NRCAM: variants seen among roughly 807,000 people sequenced by gnomAD.
NRCAM encodes the protein neuronal cell adhesion molecule.
Under a neutral mutation model 156.5 loss-of-function variants are expected in NRCAM, and 83 were observed. The observed-to-expected ratio is 0.53, with a 90% CI of 0.44 to 0.64. The LOEUF is 0.64. NRCAM is among the 30% of genes least tolerant of loss of function. NRCAM has a pLI of 0.00. For synonymous variants in NRCAM, 538 were observed against 563.9 expected, an observed-to-expected ratio of 0.95 and a Z score of 0.65; for missense variants, 1,417 against 1,597.3, an observed-to-expected ratio of 0.89 and a Z score of 1.92.
At chr7:108,441,636 A>T (rs1298735864) in intron 1 of NRCAM, among the ~76,000 whole-genome samples, 3 of 152,246 alleles carry the variant, frequency 2.0e-5, no homozygotes, top group Admixed American at 6.5e-5. Flanking sequence ...TCCTTGGGTT[A>T]GAATCCTAGC....
intron 3 of NRCAM, among the ~76,000 whole-genome samples, chr7:108,263,906 CCTG>C (rs1259305930): frequency 1.3e-5 from 2 of 152,148 alleles, no homozygotes; most frequent in Non-Finnish European, 2.9e-5. Context: ...TATTGCATTG[CCTG>C]CTGTTTTTAA....
intron 13 of NRCAM, 77 bp from the exon 14 acceptor site, chr7:108,198,176 G>A: frequency 3.3e-6 from 4 of 1,218,972 alleles, no homozygotes; most frequent in Non-Finnish European, 4.5e-6. Context: ...AAGTCAGTAG[G>A]ACATAAATAA....
chr7:108,448,472 T>C lies in NRCAM; in HGVS notation c.-332+7771A>G, dbSNP rs570477820. Among the ~76,000 whole-genome samples the C allele has an allele frequency of 3.9e-5, 6 of 152,250 alleles. No individual in the cohort carries two copies. The East Asian group carries it at 5.8e-4, about 15-fold the overall frequency. Reference sequence around the variant, plus strand: ...GCAGTCAAAGATGCGAAAGCAAAATTTGGTGATGTTTCAACTTTCAATTTT... The same window carrying C: ...GCAGTCAAAGATGCGAAAGCAAAATCTGGTGATGTTTCAACTTTCAATTTT... On this transcript the variant is annotated intron_variant, in intron 1 of 32. Coordinates refer to ENST00000379028, the MANE Select transcript of NRCAM (RefSeq NM_001037132.4).
intron 2 of NRCAM, among the ~76,000 whole-genome samples, chr7:108,348,835 G>A (rs2099389274): frequency 6.6e-6 from 1 of 151,370 alleles, no homozygotes; most frequent in Admixed American, 6.6e-5. Context: ...CCCAGGAAGT[G>A]GAGGAAGCAG....
At chr7:108,163,548 T>A (rs916939125) in intron 30 of NRCAM, among the ~76,000 whole-genome samples, 2 of 152,212 alleles carry the variant, frequency 1.3e-5, no homozygotes, top group African/African-American at 4.8e-5. Context: ...TAACCAAAGT[T>A]TGGAGACAAC....
intron 1 of NRCAM, among the ~76,000 whole-genome samples, chr7:108,442,449 C>T (rs548015071): frequency 1.4e-4 from 22 of 152,322 alleles, no homozygotes; most frequent in African/African-American, 4.8e-4. Flanking sequence ...AGCCACAACA[C>T]AGCCTATTTC....
In NRCAM at chr7:108,207,656, G is replaced by A. The variant is rs748173996; in HGVS notation, c.1079C>T (p.Ala360Val). 6 of 1,607,996 alleles carry A rather than the reference G, an allele frequency of 3.7e-6. No homozygotes were observed. The highest frequency in any genetic ancestry group is 5.1e-6 in the Non-Finnish European group (6 of 1,177,940). ...TTGAGGGGCTGTGATCCAGTATGGAGCCGCTTTATAGGAGGAAGAAAAAAG... is the reference window on the plus strand; with the variant it reads ...TTGAGGGGCTGTGATCCAGTATGGAACCGCTTTATAGGAGGAAGAAAAAAG... ...HHTISVRVKAAPYWITAPQNL... is the reference protein window; with the variant it reads ...HHTISVRVKAVPYWITAPQNL... The change falls in exon 13 of 33, where the codon GCT (alanine) becomes GTT (valine). Residue 360 changes from alanine (A) to valine (V), a missense_variant. This residue lies in a region of NRCAM where 1,238 missense variants were observed against 1,336.4 expected (regional missense o/e 0.93). Transcript: ENST00000379028.
chr7:108,217,336 C>G (rs1469496474), intron 11 of NRCAM, among the ~76,000 whole-genome samples: 1 of 152,164 alleles, frequency 6.6e-6, no homozygotes, highest in Non-Finnish European at 1.5e-5. Flanking sequence ...CCGGAGCTCT[C>G]CTGTATGAGG....
intron 2 of NRCAM, among the ~76,000 whole-genome samples, chr7:108,387,428 C>T (rs1450591381): frequency 6.6e-6 from 1 of 152,006 alleles, no homozygotes; most frequent in African/African-American, 2.4e-5. Context: ...TAGGTAATTA[C>T]TGGTAATTAT....
At chr7:108,263,007 A>G (rs1165843154) in intron 3 of NRCAM, among the ~76,000 whole-genome samples, 1 of 152,210 alleles carries the variant, frequency 6.6e-6, no homozygotes, top group Non-Finnish European at 1.5e-5. Flanking sequence ...TGTCTCTTCA[A>G]GCTTGACTTG....
intron 11 of NRCAM, among the ~76,000 whole-genome samples, chr7:108,222,395 T>C (rs936525506): frequency 6.6e-6 from 1 of 152,230 alleles, no homozygotes; most frequent in African/African-American, 2.4e-5. Context: ...TTGTGAAATT[T>C]CCAAATACCA....
At chr7:108,268,630 G>A (rs1275790055) in intron 3 of NRCAM, among the ~76,000 whole-genome samples, 1 of 119,240 alleles carries the variant, frequency 8.4e-6, no homozygotes, top group Non-Finnish European at 1.9e-5. Flanking sequence ...GGGGGTGGGG[G>A]GGGGTTGGGG....
chr7:108,298,937 C>G (rs1421031009), intron 3 of NRCAM, among the ~76,000 whole-genome samples: 2 of 149,518 alleles, frequency 1.3e-5, no homozygotes, highest in African/African-American at 2.4e-5. Context: ...GAAACCCTGT[C>G]TCTACTAAAA....
intron 3 of NRCAM, among the ~76,000 whole-genome samples, chr7:108,278,715 A>G (rs2097743971): frequency 6.6e-6 from 1 of 152,208 alleles, no homozygotes; most frequent in South Asian, 2.1e-4. Flanking sequence ...GCGCTTCCCC[A>G]GTGAGGCGAC....
chr7:108,165,131 C>G lies in NRCAM; in HGVS notation c.3466+1790G>C, dbSNP rs2053075957. ...ATCCAGAACCAGTAACCACATGCAG[C>G]CTGCAGGGGTCCAGAATCACTGATT... On this transcript the variant is annotated intron_variant, in intron 30 of 32. Transcript: ENST00000379028. Among the ~76,000 whole-genome samples the G allele has an allele frequency of 2.0e-5, 3 of 152,292 alleles. No individual in the cohort carries two copies. In the South Asian group the frequency reaches 6.2e-4, roughly 32 times the overall value.
At chr7:108,435,950 G>A (rs552818114) in intron 1 of NRCAM, among the ~76,000 whole-genome samples, 2 of 152,310 alleles carry the variant, frequency 1.3e-5, no homozygotes, top group African/African-American at 2.4e-5. Context: ...GGCTAACAAG[G>A]TAAAACCCCG....
chr7:108,274,321 A>T (rs2097504080), intron 3 of NRCAM, among the ~76,000 whole-genome samples: 1 of 152,182 alleles, frequency 6.6e-6, no homozygotes, highest in Non-Finnish European at 1.5e-5. Flanking sequence ...TCTACAAATT[A>T]CCTTGGGCAG....
intron 2 of NRCAM, among the ~76,000 whole-genome samples, chr7:108,350,239 A>C (rs1247256808): frequency 6.6e-6 from 1 of 152,034 alleles, no homozygotes; most frequent in East Asian, 1.9e-4. Flanking sequence ...TATCATCTAA[A>C]CTCACTGTTC....
chr7:108,209,735 A>G, intron 11 of NRCAM, 130 bp from the exon 12 acceptor site: 1 of 659,774 alleles, frequency 1.5e-6, no homozygotes, highest in East Asian at 2.9e-5. Context: ...AGATATTTTA[A>G]TTAGCACCAC....
Sources: allele counts gnomAD v4.1 joint callset (sites outside exome capture counted in the v4.1 genomes callset), GRCh38; gene constraint gnomAD v4.1.1; regional missense constraint gnomAD v4.1.1; transcripts MANE v1.5; gene names NCBI Gene and HGNC (gene_info 2026-07-23, HGNC 2026-07-21).